Variants in TRAK1 observed in about 807,000 individuals in gnomAD.
TRAK1 encodes the protein trafficking kinesin protein 1.
TRAK1 carries 33 observed loss-of-function variants against 92.1 expected under a neutral mutation model. The observed-to-expected ratio is 0.36, with a 90% CI of 0.27 to 0.48. TRAK1 has a LOEUF of 0.48. Ranked by LOEUF, TRAK1 falls within the 20% of genes least tolerant of loss-of-function variation. TRAK1 has a pLI of 0.99. For synonymous variants in TRAK1, 521 were observed against 517.3 expected (o/e 1.01, Z -0.10); for missense variants, 1,123 against 1,257.9 (o/e 0.89, Z 1.62).
chr3:42,054,642 G>A (rs942057827), intron 1 of TRAK1, among the ~76,000 whole-genome samples: 14 of 152,042 alleles, frequency 9.2e-5, no homozygotes, highest in South Asian at 6.2e-4. Flanking sequence ...TACCACCATC[G>A]TACTTGTTCC....
chr3:42,199,849 C>T (rs962414411), intron 11 of TRAK1, among the ~76,000 whole-genome samples: 1 of 152,240 alleles, frequency 6.6e-6, no homozygotes, highest in African/African-American at 2.4e-5. Context: ...TTTCCCATCT[C>T]TCTTAACACA....
intron 1 of TRAK1, among the ~76,000 whole-genome samples, chr3:42,032,480 GAA>G (rs57423237): frequency 2.0e-3 from 236 of 120,882 alleles, no homozygotes; most frequent in African/African-American, 5.6e-3. Flanking sequence ...GGGTCAACCT[GAA>G]AAAAAAAAAA....
intron 1 of TRAK1, among the ~76,000 whole-genome samples, chr3:42,057,665 G>A (rs1008905198): frequency 1.3e-5 from 2 of 152,068 alleles, no homozygotes; most frequent in African/African-American, 4.8e-5. Context: ...TGTGATCTGA[G>A]GAGAACCTGC....
chr3:42,038,225 T>TA (rs547177849), intron 1 of TRAK1, among the ~76,000 whole-genome samples: 89 of 152,340 alleles, frequency 5.8e-4, no homozygotes, highest in Non-Finnish European at 1.1e-3. Flanking sequence ...GTGGTGGCTT[T>TA]AAAATCTTTT....
chr3:42,095,743 T>TCAA (rs1705819744), intron 1 of TRAK1, among the ~76,000 whole-genome samples: 1 of 152,146 alleles, frequency 6.6e-6, no homozygotes, highest in Non-Finnish European at 1.5e-5. Flanking sequence ...ATCATCATCA[T>TCAA]CATCAGTCAT....
At chr3:42,218,788 G>A (rs942575045) in intron 14 of TRAK1, 1 of 985,270 alleles carries the variant, frequency 1.0e-6, no homozygotes, top group African/African-American at 1.7e-5. Flanking sequence ...TGTCAAGAAA[G>A]CAGCTAGCAG....
intron 1 of TRAK1, among the ~76,000 whole-genome samples, chr3:42,096,506 G>A (rs1291624855): frequency 6.6e-6 from 1 of 152,132 alleles, no homozygotes; most frequent in Non-Finnish European, 1.5e-5. Flanking sequence ...TGCCCGCCTC[G>A]ACCTCCCAAA....
intron 4 of TRAK1, among the ~76,000 whole-genome samples, chr3:42,186,669 C>T (rs1420373457): frequency 6.6e-6 from 1 of 152,218 alleles, no homozygotes; most frequent in Non-Finnish European, 1.5e-5. Context: ...CACCCGTCAG[C>T]TTCTTCACTA....
At chr3:42,084,794 C>T (rs1157547754), upstream of TRAK1, among the ~76,000 whole-genome samples, 2 of 150,096 alleles carry the variant, frequency 1.3e-5, no homozygotes, top group Non-Finnish European at 2.9e-5. Context: ...GTGACAATCC[C>T]GTTTTCTTTT....
chr3:42,185,973 CT>C (rs1054954407), intron 4 of TRAK1, among the ~76,000 whole-genome samples: 335 of 83,962 alleles, frequency 4.0e-3, no homozygotes, highest in African/African-American at 9.3e-3. Flanking sequence ...TGTGCCCAGC[CT>C]TTTTTTTTTT....
At chr3:42,192,405 A>ATTTCGTCAAAATACTAAGTATTTTGCG (rs1705914086) in intron 7 of TRAK1, among the ~76,000 whole-genome samples, 2 of 151,884 alleles carry the variant, frequency 1.3e-5, no homozygotes, top group Non-Finnish European at 2.9e-5. Flanking sequence ...AGTATATTGC[A>ATTTCGTCAAAATACTAAGTATTTTGCG]TTTCGTCAAA....
intron 2 of TRAK1, among the ~76,000 whole-genome samples, chr3:42,153,946 C>T (rs886377221): frequency 6.6e-6 from 1 of 152,022 alleles, no homozygotes; most frequent in Admixed American, 6.6e-5. Flanking sequence ...CAGCACTCTC[C>T]TCTGTGGTTA....
intron 1 of TRAK1, among the ~76,000 whole-genome samples, chr3:42,074,141 A>G (rs936621105): frequency 6.6e-6 from 1 of 152,170 alleles, no homozygotes. Flanking sequence ...TAGGGCAAGC[A>G]GTGTCTTTGG....
At chr3:42,218,106 T>G (rs1424274936) in intron 14 of TRAK1, 2 of 985,318 alleles carry the variant, frequency 2.0e-6, no homozygotes, top group East Asian at 2.3e-4. Context: ...CAAACCATCT[T>G]GCCTTGTTCC....
intron 2 of TRAK1, among the ~76,000 whole-genome samples, chr3:42,150,398 T>C (rs1699828444): frequency 6.6e-6 from 1 of 152,172 alleles, no homozygotes; most frequent in Non-Finnish European, 1.5e-5. Context: ...ATCAAAATTG[T>C]GTATTACACA....
At chr3:42,074,708 G>A (rs1384199811) in intron 1 of TRAK1, among the ~76,000 whole-genome samples, 1 of 147,742 alleles carries the variant, frequency 6.8e-6, no homozygotes, top group African/African-American at 2.5e-5. Flanking sequence ...CTTTTATTTA[G>A]GTTCAGGTAG....
intron 1 of TRAK1, among the ~76,000 whole-genome samples, chr3:42,024,078 A>G (rs756410413): frequency 1.3e-5 from 2 of 151,760 alleles, no homozygotes; most frequent in Non-Finnish European, 2.9e-5. Context: ...CTAAGTGGAG[A>G]TGTTTAGGGC....
intron 14 of TRAK1, among the ~76,000 whole-genome samples, chr3:42,215,524 G>A (rs962959604): frequency 7.1e-6 from 1 of 140,204 alleles, no homozygotes; most frequent in Non-Finnish European, 1.6e-5. Flanking sequence ...GTGTGTGTGT[G>A]TACTGGTTGA....
chr3:42,044,349 A>G (rs1702674401), intron 1 of TRAK1, among the ~76,000 whole-genome samples: 1 of 152,130 alleles, frequency 6.6e-6, no homozygotes, highest in Non-Finnish European at 1.5e-5. Flanking sequence ...CTTGGTAGAG[A>G]CAGGGTTTCA....
Sources: allele counts gnomAD v4.1 joint callset (sites outside exome capture counted in the v4.1 genomes callset), GRCh38; gene constraint gnomAD v4.1.1; transcripts MANE v1.5; gene names NCBI Gene and HGNC (gene_info 2026-07-23, HGNC 2026-07-21).